The following PDE11A variants were observed in gnomAD, a reference collection of about 807,000 sequenced individuals.
PDE11A encodes the protein phosphodiesterase 11A.
Under a neutral mutation model 100.5 loss-of-function variants are expected in PDE11A, and 100 were observed. That is an observed-to-expected ratio of 1.00 (90% CI 0.85 to 1.18). The LOEUF (loss-of-function observed/expected upper bound fraction) is 1.18. Ranked by LOEUF, PDE11A falls within the 50% of genes most tolerant of loss-of-function variation. The pLI is 0.00. For missense variants in PDE11A, 1,141 were observed against 1,152.6 expected (o/e 0.99, Z 0.15); for synonymous variants, 381 against 420.8 (o/e 0.91, Z 1.16).
At chr2:178,099,375 T>C (rs568241685) in intron 2 of PDE11A, among the ~76,000 whole-genome samples, 8 of 144,666 alleles carry the variant, frequency 5.5e-5, no homozygotes, top group African/African-American at 7.8e-5. Context: ...GATGCAGTGG[T>C]AGCAGTGAGC....
intron 5 of PDE11A, among the ~76,000 whole-genome samples, chr2:177,873,147 A>G (rs1325910305): frequency 6.6e-6 from 1 of 152,216 alleles, no homozygotes; most frequent in African/African-American, 2.4e-5. Flanking sequence ...TAATAAAAAA[A>G]CAGAAGTATT....
At chr2:177,782,922 A>AAAAC (rs57261659) in intron 9 of PDE11A, among the ~76,000 whole-genome samples, 4,672 of 150,424 alleles carry the variant, frequency 0.031, 195 homozygotes, top group African/African-American at 0.098. Flanking sequence ...AAGTTGCATC[A>AAAAC]AAACAAACAA....
At chr2:177,660,358 A>G (rs2080467868) in intron 19 of PDE11A, among the ~76,000 whole-genome samples, 1 of 152,078 alleles carries the variant, frequency 6.6e-6, no homozygotes, top group South Asian at 2.1e-4. Context: ...GGAGAGCTAA[A>G]TCAATACCAC....
At chr2:177,979,611 C>CTTTTTTTTT (rs57168619) in intron 2 of PDE11A, among the ~76,000 whole-genome samples, 14,513 of 106,112 alleles carry the variant, frequency 0.14, 2,493 homozygotes, top group African/African-American at 0.23. Context: ...CTCAGATGAT[C>CTTTTTTTTT]TTTTTTTTTT....
At chr2:178,079,326 C>G (rs1417873767) in intron 2 of PDE11A, among the ~76,000 whole-genome samples, 1 of 146,308 alleles carries the variant, frequency 6.8e-6, no homozygotes, top group African/African-American at 2.5e-5. Context: ...GTATGTTGTT[C>G]CCCACCTCCC....
At chr2:177,971,910 T>C (rs2085775763) in intron 2 of PDE11A, among the ~76,000 whole-genome samples, 1 of 151,780 alleles carries the variant, frequency 6.6e-6, no homozygotes, top group African/African-American at 2.4e-5. Flanking sequence ...GATTACCCAG[T>C]AGTGACTTTC....
chr2:177,683,776 T>G (rs1238437842), intron 15 of PDE11A, among the ~76,000 whole-genome samples: 1 of 152,182 alleles, frequency 6.6e-6, no homozygotes, highest in East Asian at 1.9e-4. Context: ...AGTCACTGAC[T>G]GTGAAGTGAA....
intron 1 of PDE11A, among the ~76,000 whole-genome samples, chr2:178,061,103 T>C (rs2086963591): frequency 6.6e-6 from 1 of 151,766 alleles, no homozygotes; most frequent in African/African-American, 2.4e-5. Context: ...GCCACCACAC[T>C]TGGGTAATTT....
intron 2 of PDE11A, among the ~76,000 whole-genome samples, chr2:177,928,726 G>A (rs1333241383): frequency 2.0e-5 from 3 of 152,108 alleles, no homozygotes; most frequent in African/African-American, 7.2e-5. Context: ...ATCTGGGGGT[G>A]GTGGCACATG....
At chr2:177,741,650 C>G (rs1052319199) in intron 10 of PDE11A, among the ~76,000 whole-genome samples, 3 of 152,152 alleles carry the variant, frequency 2.0e-5, no homozygotes, top group Non-Finnish European at 4.4e-5. Context: ...AAGGCTTTTT[C>G]TCTTTAGGGA....
chr2:177,928,104 CAAAA>C (rs59085357), intron 2 of PDE11A, among the ~76,000 whole-genome samples: 27 of 56,418 alleles, frequency 4.8e-4, no homozygotes, highest in African/African-American at 1.4e-3. Context: ...AACTCCATCT[CAAAA>C]AAAAAAAAAA....
chr2:177,722,757 C>T (rs1041262235), intron 12 of PDE11A, among the ~76,000 whole-genome samples: 3 of 152,092 alleles, frequency 2.0e-5, no homozygotes, highest in African/African-American at 7.2e-5. Flanking sequence ...TTGTAGGTTA[C>T]ATTTGCATGA....
rs914715469 is a variant in PDE11A, at chr2:177,711,867, A to C, written c.2055T>G (p.Phe685Leu). 6.9e-6 allele frequency: 11 copies of C among 1,602,726 alleles called. No individual in the cohort carries two copies. The highest frequency in any genetic ancestry group is 1.7e-4 in the Middle Eastern group (1 of 6,044). The change falls in exon 13 of 20, where the codon TTT becomes TTG. Residue 685 changes from phenylalanine (F) to leucine (L), a missense_variant. Transcript: ENST00000286063. ...LMFAMLTTAG[F>L]QDILTEVEIL... ...TTTCCACCTCGGTCAGAATGTCTTG[A>C]AACCCAGCAGTCTGGGAAGAAGGGG...
chr2:178,096,169 C>CTTTTCTTTTTTTTTTTT, intron 2 of PDE11A, among the ~76,000 whole-genome samples: 1 of 120,108 alleles, frequency 8.3e-6, no homozygotes, highest in Non-Finnish European at 1.8e-5. Flanking sequence ...CTTTTCTTTT[C>CTTTTCTTTTTTTTTTTT]TTTTTTTTTT....
chr2:177,956,049 A>C (rs1428278802), intron 2 of PDE11A, among the ~76,000 whole-genome samples: 1 of 152,190 alleles, frequency 6.6e-6, no homozygotes, highest in Non-Finnish European at 1.5e-5. Flanking sequence ...AAAAGCCAAA[A>C]TTGACAAATG....
At position 178,103,635 on chromosome 2, in the gene PDE11A, T is replaced by C. The variant is rs947591603; in HGVS notation, c.162+667A>G. Among the ~76,000 whole-genome samples, 20 of 151,946 alleles carry C rather than the reference T, an allele frequency of 1.3e-4. No homozygotes were observed. In the East Asian group the frequency reaches 3.3e-3, roughly 25 times the overall value. The stretch of plus-strand genomic sequence containing the variant: ...GCTAGGCCCCAAGAAAAGTTTCAAA[T>C]AGAGTTATACCCTATTTTGAAAAAA... On this transcript the variant is annotated intron_variant, in intron 2 of 20. Coordinates refer to the PDE11A transcript ENST00000358450.
In PDE11A at chr2:177,783,627, A is replaced by G. The variant is rs78207900; in HGVS notation, c.1738-14254T>C. ...CCACTGCATTACTCTTCTGTAACTA[A>G]AGATGCTTTAAGTCTAACATCTGGA... On this transcript the variant is annotated intron_variant, in intron 9 of 19. Transcript: ENST00000286063. Among the ~76,000 whole-genome samples, 64 of 152,338 alleles carry G rather than the reference A, an allele frequency of 4.2e-4. 1 individual carries two copies. The highest frequency in any genetic ancestry group is 1.5e-3 in the African/African-American group (63 of 41,586).
At chr2:178,107,291 A>G (rs2087631029) in intron 1 of PDE11A, among the ~76,000 whole-genome samples, 1 of 151,952 alleles carries the variant, frequency 6.6e-6, no homozygotes, top group Admixed American at 6.6e-5. Context: ...AAGGGATAGA[A>G]TATCTTAAGA....
chr2:177,994,519 A>G (rs1384608536), intron 2 of PDE11A, among the ~76,000 whole-genome samples: 2 of 152,212 alleles, frequency 1.3e-5, no homozygotes, highest in African/African-American at 4.8e-5. Context: ...TTCCAGGTGA[A>G]TGGCTGCGAC....
Sources: gnomAD v4.1 joint callset for allele counts (sites outside exome capture counted in the v4.1 genomes callset) on GRCh38, gnomAD v4.1.1 for gene constraint, MANE v1.5 for transcripts, NCBI Gene and HGNC (gene_info 2026-07-23, HGNC 2026-07-21) for gene names.